The following LRRC41 variants were observed in gnomAD, a reference collection of about 807,000 sequenced individuals.
The protein encoded by LRRC41 is leucine rich repeat containing 41, also known as leucine-rich repeat-containing protein 41.
A neutral mutation model predicts 72.1 loss-of-function variants in LRRC41; 17 were observed. The ratio of observed to expected loss-of-function variants is 0.24; its 90% CI spans 0.16 to 0.35. The LOEUF (loss-of-function observed/expected upper bound fraction) is 0.35, where lower values mean the gene tolerates loss of function less well. Among genes scored for constraint, LRRC41 ranks in the 10% least tolerant of loss-of-function variants. LRRC41 has a pLI of 1.00. For missense variants in LRRC41, 759 were observed against 1,065.0 expected, an observed-to-expected ratio of 0.71 and a Z score of 4.00; for synonymous variants, 427 against 431.0, an observed-to-expected ratio of 0.99 and a Z score of 0.11.
Position 46,285,565 on chromosome 1 carries a change from T to A in LRRC41, c.1292A>T (p.Glu431Val). ...AGCTCCACAAGCCACTTCCCCAATC[T>A]CCATCTCTTCGCCATCCTCCTTCTC... Reference protein sequence around the residue: ...AGEKEDGEEMEIGEVACGALD... With the variant: ...AGEKEDGEEMVIGEVACGALD... The change falls in exon 4 of 10, where the codon GAG becomes GTG. Residue 431 changes from glutamate (E) to valine (V), a missense_variant. Physicochemically the swap from Glu to Val is moderately radical, Grantham distance 121. This residue lies in a region of LRRC41 where 427 missense variants were observed against 520.9 expected (regional missense o/e 0.82). Transcript: ENST00000617190. The surrounding 1 kb of genome is among the most constrained non-coding windows in gnomAD (Gnocchi z 5.3). 1 of 1,613,556 alleles carries A rather than the reference T, an allele frequency of 6.2e-7. No homozygotes were observed. Among genetic ancestry groups the A allele is most frequent in the African/African-American group, 1.3e-5 (1 of 75,014 alleles).
In LRRC41 at chr1:46,278,083, G is replaced by A. The variant is rs769015770; in HGVS notation, c.*782C>T. ...CCTTCTGTCCCTAGGTTGCACTGCCGACGTTGTGTCAACAGCCGTCAGATC... is the reference window on the plus strand; with the variant it reads ...CCTTCTGTCCCTAGGTTGCACTGCCAACGTTGTGTCAACAGCCGTCAGATC... On this transcript the variant is annotated 3_prime_UTR_variant, in exon 10 of 10. Coordinates refer to ENST00000617190, the MANE Select transcript of LRRC41 (RefSeq NM_006369.5). The A allele has an allele frequency of 5.6e-6, 9 of 1,613,932 alleles. No individual in the cohort carries two copies. Among genetic ancestry groups the A allele is most frequent in the Middle Eastern group, 3.3e-4 (2 of 6,084 alleles).
At chr1:46,296,589 G>A (rs1443581679) in intron 3 of LRRC41, among the ~76,000 whole-genome samples, 1 of 152,156 alleles carries the variant, frequency 6.6e-6, no homozygotes, top group Non-Finnish European at 1.5e-5. Flanking sequence ...AAAAGAAACT[G>A]CTTAAATGAG....
intron 3 of LRRC41, among the ~76,000 whole-genome samples, chr1:46,294,793 C>T (rs1302377901): frequency 1.3e-5 from 2 of 151,996 alleles, no homozygotes; most frequent in Non-Finnish European, 2.9e-5. Flanking sequence ...CAGGGTTTCA[C>T]CATGTTGGCC....
chr1:46,302,562 C>T lies in LRRC41; in HGVS notation c.199+562G>A, dbSNP rs1661263287. ...TCGGCCTCTCCCCCTGCCCCATTCC[C>T]TCGCTCTCCAATCTGCTGTCCTCCC... On this transcript the variant is annotated intron_variant, in intron 1 of 9. Coordinates refer to ENST00000617190, the MANE Select transcript of LRRC41 (RefSeq NM_006369.5). This position sits in a 1 kb window ranked among gnomAD's most constrained non-coding sequence, Gnocchi z 4.7. 10 of 985,378 alleles carry T rather than the reference C, an allele frequency of 1.0e-5. No homozygotes were observed. Among genetic ancestry groups the T allele is most frequent in the Non-Finnish European group, 1.1e-5 (9 of 829,914 alleles). The allele number at this position is 985,378 out of a possible 1,614,324, so 61.0% of individuals were successfully genotyped here.
chr1:46,285,623 C>T lies in LRRC41; in HGVS notation c.1234G>A (p.Asp412Asn). The T allele has an allele frequency of 6.2e-7, 1 of 1,614,158 alleles. No individual in the cohort carries two copies. The highest frequency in any genetic ancestry group is 8.5e-7 in the Non-Finnish European group (1 of 1,180,036). Reference protein sequence around the residue: ...TRQGPGAESEDLYDFVFIVAG... With the variant: ...TRQGPGAESENLYDFVFIVAG... ...ACAATAAAAACGAAGTCATACAGGT[C>T]TTCAGACTCTGCACCAGGCCCCTGA... The change falls in exon 4 of 10, where the codon GAC becomes AAC. Residue 412 changes from aspartate to asparagine, a missense_variant. Around this residue, in one of 4 missense-constraint regions of LRRC41, gnomAD observed 427 missense variants for 520.9 expected, o/e 0.82. Transcript: ENST00000617190. The surrounding 1 kb of genome is among the most constrained non-coding windows in gnomAD (Gnocchi z 5.3).
chr1:46,286,382 G>A lies in LRRC41; in HGVS notation c.475C>T (p.His159Tyr), dbSNP rs866075207. ...AGCTGTCGGACATGGCGGGAGCTGTGCAGAAGAGGTGAGAACCGCTGATCA... is the reference window on the plus strand; with the variant it reads ...AGCTGTCGGACATGGCGGGAGCTGTACAGAAGAGGTGAGAACCGCTGATCA... ...LCDQRFSPLL[H>Y]SSRHVRQLTI... The change falls in exon 4 of 10, where the codon CAC (histidine) becomes TAC (tyrosine). Residue 159 changes from histidine to tyrosine, a missense_variant. Physicochemically the swap from His to Tyr is moderately conservative, Grantham distance 83 (BLOSUM62 2). Coordinates refer to ENST00000617190, the MANE Select transcript of LRRC41 (RefSeq NM_006369.5). The surrounding 1 kb of genome is among the most constrained non-coding windows in gnomAD (Gnocchi z 5.5). 1 of 1,614,186 alleles carries A rather than the reference G, an allele frequency of 6.2e-7. No homozygotes were observed. Among genetic ancestry groups the A allele is most frequent in the Non-Finnish European group, 8.5e-7 (1 of 1,180,018 alleles).
intron 2 of LRRC41, among the ~76,000 whole-genome samples, 181 bp downstream of exon 2, chr1:46,298,103 A>G (rs1661159327): frequency 6.6e-6 from 1 of 152,202 alleles, no homozygotes; most frequent in African/African-American, 2.4e-5. Context: ...AGTATAATAA[A>G]GATCATATAC....
chr1:46,301,858 T>A, intron 1 of LRRC41: 1 of 636,788 alleles, frequency 1.6e-6, no homozygotes, highest in Non-Finnish European at 1.9e-6. Context: ...CGGCCGGGCC[T>A]GCCACCTCTT....
In LRRC41 at chr1:46,294,223, T is replaced by A. The variant is rs371121007; in HGVS notation, c.357+3340A>T. On this transcript the variant is annotated intron_variant, in intron 3 of 9. Coordinates refer to ENST00000617190, the MANE Select transcript of LRRC41 (RefSeq NM_006369.5). ...TCTGTCTCCTGGGCTCCCTCCCACCTCAGCCTCCTGAGTAGCTGGGACTAC... is the reference window on the plus strand; with the variant it reads ...TCTGTCTCCTGGGCTCCCTCCCACCACAGCCTCCTGAGTAGCTGGGACTAC... Among the ~76,000 whole-genome samples, 5 of 151,984 alleles carry A rather than the reference T, an allele frequency of 3.3e-5. No homozygotes were observed. In the South Asian group the frequency reaches 8.3e-4, roughly 25 times the overall value.
chr1:46,286,855 G>A lies in LRRC41; in HGVS notation c.358-356C>T, dbSNP rs1413400498. ...TCTTTTTAAGATAGAGTCTCACTTT[G>A]TAGCCTAGGCTGGAGTGCAGTGGTG... On this transcript the variant is annotated intron_variant, in intron 3 of 9. Transcript: ENST00000617190. This position sits in a 1 kb window ranked among gnomAD's most constrained non-coding sequence, Gnocchi z 5.5. Among the ~76,000 whole-genome samples the A allele has an allele frequency of 6.6e-6, 1 of 151,714 alleles. No homozygotes were observed. The highest frequency in any genetic ancestry group is 1.9e-4 in the East Asian group (1 of 5,178).
At chr1:46,303,041 TCCCGGCCTCGCCCCCCGCGCCC>T in intron 1 of LRRC41, 61 bp downstream of exon 1, 5 of 1,342,628 alleles carry the variant, frequency 3.7e-6, no homozygotes, top group Non-Finnish European at 4.8e-6. Flanking sequence ...GCCCCGGGCC[TCCCGGCCTCGCCCCCCGCGCCC>T]CCCGGCCGCT....
chr1:46,294,168 G>A (rs1661073963), intron 3 of LRRC41, among the ~76,000 whole-genome samples: 1 of 152,090 alleles, frequency 6.6e-6, no homozygotes, highest in Non-Finnish European at 1.5e-5. Flanking sequence ...AGGCTGGAGT[G>A]CGATGGTGTG....
In LRRC41 at chr1:46,286,071, G is replaced by C; in HGVS notation, c.786C>G (p.Pro262=). 6.2e-7 allele frequency: 1 copy of C among 1,609,908 alleles called. No homozygotes were observed. The highest frequency in any genetic ancestry group is 8.5e-7 in the Non-Finnish European group (1 of 1,176,736). Residue 262 remains proline, a synonymous_variant, in exon 4 of 10, where the codon CCC becomes CCG. Transcript: ENST00000617190. The surrounding 1 kb of genome is among the most constrained non-coding windows in gnomAD (Gnocchi z 5.5). ...GFWQPGPGGP[P]CRLCGEASRG... The stretch of plus-strand genomic sequence containing the variant: ...GGGAGGCCTCTCCACAGAGGCGGCA[G>C]GGTGGGCCACCAGGCCCTGGTTGCC...
At chr1:46,293,914 AC>A (rs964081444) in intron 3 of LRRC41, among the ~76,000 whole-genome samples, 4 of 151,722 alleles carry the variant, frequency 2.6e-5, no homozygotes, top group Non-Finnish European at 5.9e-5. Flanking sequence ...AGCTGGGATT[AC>A]AGGCATGCAC....
chr1:46,289,022 A>G (rs1044012468), intron 3 of LRRC41, among the ~76,000 whole-genome samples: 1 of 152,248 alleles, frequency 6.6e-6, no homozygotes, highest in African/African-American at 2.4e-5. Flanking sequence ...CTGTGCCTAA[A>G]ATATGGACAA....
chr1:46,285,861 T>C lies in LRRC41; in HGVS notation c.996A>G (p.Thr332=), dbSNP rs1463242149. The change falls in exon 4 of 10, where the codon ACA becomes ACG. Residue 332 remains threonine, a synonymous_variant. Coordinates refer to ENST00000617190, the MANE Select transcript of LRRC41 (RefSeq NM_006369.5). The surrounding 1 kb of genome is among the most constrained non-coding windows in gnomAD (Gnocchi z 5.3). Reference sequence around the variant, plus strand: ...CCCTCTTAAGGTCTGTTCCGCCTGCTGTCAGGCTCTCCTGTGTGCTCCGGC... The same window carrying C: ...CCCTCTTAAGGTCTGTTCCGCCTGCCGTCAGGCTCTCCTGTGTGCTCCGGC... ...VTRRSTQESL[T]AGGTDLKREL... 6 of 1,583,342 alleles carry C rather than the reference T, an allele frequency of 3.8e-6. No individual in the cohort carries two copies. The highest frequency in any genetic ancestry group is 1.2e-5 in the South Asian group (1 of 86,278).
At chr1:46,291,595 T>C (rs1201555602) in intron 3 of LRRC41, among the ~76,000 whole-genome samples, 2 of 140,502 alleles carry the variant, frequency 1.4e-5, no homozygotes, top group African/African-American at 5.3e-5. Flanking sequence ...AGTCTTGCTC[T>C]GTCGCCCAGG....
At position 46,281,145 on chromosome 1, in the gene LRRC41, A is replaced by G; in HGVS notation, c.1736T>C (p.Ile579Thr). ...PGNAGPPSHI[I>T]GDEEIPENCL... The stretch of plus-strand genomic sequence containing the variant: ...TTCACCTGGTATCTCCTCATCGCCT[A>G]TTATGTGGCTAGGGGGCCCTGCATT... Residue 579 changes from isoleucine to threonine, a missense_variant, in exon 5 of 10, where the codon ATA becomes ACA. Physicochemically the swap from Ile to Thr is moderately conservative, Grantham distance 89. Coordinates refer to ENST00000617190, the MANE Select transcript of LRRC41 (RefSeq NM_006369.5). The G allele has an allele frequency of 6.2e-7, 1 of 1,613,944 alleles. No individual in the cohort carries two copies. Among genetic ancestry groups the G allele is most frequent in the Non-Finnish European group, 8.5e-7 (1 of 1,179,886 alleles).
rs758462668 is a variant in LRRC41 at position 46,278,328 on chromosome 1, A to G, written c.*537T>C. The G allele has an allele frequency of 6.5e-7, 1 of 1,547,712 alleles. No individual in the cohort carries two copies. Among genetic ancestry groups the G allele is most frequent in the Non-Finnish European group, 8.8e-7 (1 of 1,137,356 alleles). ...AGCTCTTAGAGGAAGGAGATAGGGA[A>G]AAGGGGCTCCTTGCTCCACAGGGCC... On this transcript the variant is annotated 3_prime_UTR_variant, in exon 10 of 10. Coordinates refer to ENST00000617190, the MANE Select transcript of LRRC41 (RefSeq NM_006369.5).
Sources: allele counts gnomAD v4.1 joint callset (sites outside exome capture counted in the v4.1 genomes callset), GRCh38; gene constraint gnomAD v4.1.1; regional missense constraint gnomAD v4.1.1; non-coding constraint Gnocchi (gnomAD v3.1); transcripts MANE v1.5; gene names NCBI Gene and HGNC (gene_info 2026-07-23, HGNC 2026-07-21).